GRID1: variants seen among roughly 807,000 people sequenced by gnomAD.
GRID1 encodes the protein glutamate ionotropic receptor delta type subunit 1, also known as glutamate receptor ionotropic, delta-1.
GRID1 carries 28 observed loss-of-function variants against 98.0 expected under a neutral mutation model. That is an observed-to-expected ratio of 0.29 (90% CI 0.21 to 0.39). GRID1 has a LOEUF of 0.39. Among genes scored for constraint, GRID1 ranks in the 10% least tolerant of loss-of-function variants. GRID1 has a pLI of 1.00. For missense variants in GRID1, 1,111 were observed against 1,340.5 expected (o/e 0.83, Z 2.67); for synonymous variants, 553 against 538.5 (o/e 1.03, Z -0.37).
chr10:86,061,554 C>T (rs1049233761), intron 4 of GRID1, among the ~76,000 whole-genome samples: 1 of 152,174 alleles, frequency 6.6e-6, no homozygotes, highest in African/African-American at 2.4e-5. Context: ...AGTCAAGACC[C>T]CTCTCCACTC....
chr10:86,191,602 T>C (rs1845803457), intron 3 of GRID1, among the ~76,000 whole-genome samples: 3 of 151,942 alleles, frequency 2.0e-5, no homozygotes, highest in Admixed American at 2.0e-4. Context: ...GCCAGGTATT[T>C]CACCCTCTCT....
At chr10:86,239,890 T>C (rs959808276) in intron 2 of GRID1, among the ~76,000 whole-genome samples, 1 of 152,120 alleles carries the variant, frequency 6.6e-6, no homozygotes, top group Non-Finnish European at 1.5e-5. Flanking sequence ...GCAGGGTCCT[T>C]ATAGAAGTGA....
intron 8 of GRID1, among the ~76,000 whole-genome samples, chr10:85,777,694 A>G (rs1842344979): frequency 6.6e-6 from 1 of 152,378 alleles, no homozygotes; most frequent in Non-Finnish European, 1.5e-5. Flanking sequence ...AGACTTCTCA[A>G]CTGGTCATAG....
intron 4 of GRID1, among the ~76,000 whole-genome samples, chr10:85,918,487 C>G (rs532140259): frequency 7.9e-5 from 12 of 152,292 alleles, no homozygotes; most frequent in Non-Finnish European, 1.3e-4. Context: ...GTTTGTTCCA[C>G]CCCTTGAAGG....
intron 8 of GRID1, among the ~76,000 whole-genome samples, chr10:85,788,253 T>C (rs1279917796): frequency 2.0e-5 from 3 of 152,210 alleles, no homozygotes; most frequent in South Asian, 2.1e-4. Context: ...AAACTTTTCT[T>C]ATAAAACATG....
intron 8 of GRID1, among the ~76,000 whole-genome samples, chr10:85,811,526 C>A (rs1275205156): frequency 6.6e-6 from 1 of 151,914 alleles, no homozygotes; most frequent in Admixed American, 6.6e-5. Context: ...AAGAACCAAA[C>A]AAAAATTCTA....
intron 4 of GRID1, among the ~76,000 whole-genome samples, chr10:85,955,722 C>T: frequency 6.6e-6 from 1 of 150,400 alleles, no homozygotes; most frequent in East Asian, 2.0e-4. Context: ...TTCATTTAGT[C>T]ATCAGACAGT....
In GRID1 at chr10:85,690,082, G is replaced by T. The variant is rs191271126; in HGVS notation, c.1997+32921C>A. Among the ~76,000 whole-genome samples, 170 of 152,194 alleles carry T rather than the reference G, an allele frequency of 1.1e-3. 1 individual carries two copies. The South Asian group carries it at 0.019, about 17-fold the overall frequency. ...CCCAACTTATCAACATTATCTTATG[G>T]AGAAAGGTTTTAATACACCACATCT... On this transcript the variant is annotated intron_variant, in intron 12 of 15. Transcript: ENST00000327946.
chr10:86,095,914 CAT>C (rs772857465), intron 4 of GRID1, among the ~76,000 whole-genome samples: 3 of 152,328 alleles, frequency 2.0e-5, no homozygotes, highest in East Asian at 1.9e-4. Context: ...CTTGCACACA[CAT>C]GTTTATAGCA....
chr10:86,080,982 C>T (rs544478166), intron 4 of GRID1, among the ~76,000 whole-genome samples: 1 of 152,128 alleles, frequency 6.6e-6, no homozygotes, highest in East Asian at 1.9e-4. Flanking sequence ...CAGAAAAAGC[C>T]CCAGACACAG....
chr10:86,364,508 G>A (rs572410697), intron 1 of GRID1, among the ~76,000 whole-genome samples: 4 of 151,420 alleles, frequency 2.6e-5, no homozygotes, highest in African/African-American at 9.8e-5. Flanking sequence ...AGTTCCCCGG[G>A]AGGGTGGTGT....
At chr10:85,803,724 G>C (rs951803623) in intron 8 of GRID1, among the ~76,000 whole-genome samples, 2 of 151,920 alleles carry the variant, frequency 1.3e-5, no homozygotes, top group African/African-American at 2.4e-5. Context: ...TACATGGTAA[G>C]TGTATATATT....
chr10:85,877,238 C>A (rs1183166411), intron 5 of GRID1, among the ~76,000 whole-genome samples: 3 of 152,228 alleles, frequency 2.0e-5, no homozygotes, highest in Admixed American at 6.5e-5. Flanking sequence ...CCCTGTTTGA[C>A]AGCTTTGAAG....
At chr10:86,098,290 C>T (rs1338363678) in intron 4 of GRID1, among the ~76,000 whole-genome samples, 1 of 152,194 alleles carries the variant, frequency 6.6e-6, no homozygotes, top group Non-Finnish European at 1.5e-5. Context: ...ATGCAAAGAT[C>T]CCTACAGAAT....
chr10:85,720,048 AAAAT>A (rs554059675), intron 12 of GRID1, among the ~76,000 whole-genome samples: 13 of 152,312 alleles, frequency 8.5e-5, no homozygotes, highest in African/African-American at 3.1e-4. Context: ...TCAAAAAGAA[AAAAT>A]AAATAAATAA....
chr10:85,826,882 A>T (rs1842825115), intron 8 of GRID1, among the ~76,000 whole-genome samples: 1 of 152,160 alleles, frequency 6.6e-6, no homozygotes, highest in African/African-American at 2.4e-5. Context: ...TTGATCCCCT[A>T]AAATCTTCCC....
Position 85,724,741 on chromosome 10 carries a change from T to A in GRID1, c.1534-65A>T, listed in dbSNP as rs146030124. Reference sequence around the variant, plus strand: ...GCTTACTGCTGGGTTCTGCCCTGGGTCAAGGTCCACCCTCTGTCCTTTGAG... The same window carrying A: ...GCTTACTGCTGGGTTCTGCCCTGGGACAAGGTCCACCCTCTGTCCTTTGAG... On this transcript the variant is annotated intron_variant, in intron 10 of 15. Coordinates refer to ENST00000327946, the MANE Select transcript of GRID1 (RefSeq NM_017551.3). 928 of 1,348,942 alleles carry A rather than the reference T, an allele frequency of 6.9e-4. 2 individuals are homozygous for A. The African/African-American group carries it at 0.01, about 15-fold the overall frequency. The allele number at this position is 1,348,942 out of a possible 1,614,324, so 83.6% of individuals were successfully genotyped here.
chr10:85,613,292 C>G (rs1030333022), intron 15 of GRID1, 115 bp downstream of exon 15: 13 of 1,027,722 alleles, frequency 1.3e-5, no homozygotes, highest in Non-Finnish European at 1.8e-5. Flanking sequence ...ACTGCTGCCT[C>G]CAGACAAGAT....
chr10:85,732,932 T>C (rs1334523207), intron 8 of GRID1, among the ~76,000 whole-genome samples: 1 of 152,162 alleles, frequency 6.6e-6, no homozygotes, highest in Non-Finnish European at 1.5e-5. Context: ...CTCCTGATAT[T>C]TGTATCTAGT....
Sources: allele counts gnomAD v4.1 joint callset (sites outside exome capture counted in the v4.1 genomes callset), GRCh38; gene constraint gnomAD v4.1.1; transcripts MANE v1.5; gene names NCBI Gene and HGNC (gene_info 2026-07-23, HGNC 2026-07-21).